Variants in CCDC7 observed in about 807,000 individuals in gnomAD.
The protein encoded by CCDC7 is coiled-coil domain-containing protein 7.
CCDC7 carries 183 observed loss-of-function variants against 196.9 expected under a neutral mutation model. The ratio of observed to expected loss-of-function variants is 0.93; its 90% confidence interval spans 0.82 to 1.05. The LOEUF (loss-of-function observed/expected upper bound fraction) is 1.05. Among genes scored for constraint, CCDC7 ranks in the 50% least tolerant of loss-of-function variants. The probability of loss-of-function intolerance (pLI) is 0.00; values close to 1 mark genes in which losing one functional copy is unlikely to be tolerated. For synonymous variants in CCDC7, 525 were observed against 484.6 expected (o/e 1.08, Z -1.10); for missense variants, 1,540 against 1,482.2 (o/e 1.04, Z -0.64).
chr10:32,593,982 T>C (rs2060044657), intron 18 of CCDC7, among the ~76,000 whole-genome samples: 2 of 152,228 alleles, frequency 1.3e-5, no homozygotes, highest in African/African-American at 4.8e-5. Context: ...TCAGGTAGCA[T>C]GATGCCTCCA....
At chr10:32,565,782 A>T (rs2056688484) in intron 14 of CCDC7, among the ~76,000 whole-genome samples, 162 bp downstream of exon 15, 1 of 152,182 alleles carries the variant, frequency 6.6e-6, no homozygotes, top group Non-Finnish European at 1.5e-5. Context: ...GGGGTATATT[A>T]ATAAAATTTA....
chr10:32,836,471 A>G (rs953065648), intron 33 of CCDC7, among the ~76,000 whole-genome samples: 27 of 152,184 alleles, frequency 1.8e-4, no homozygotes, highest in Non-Finnish European at 3.2e-4. Context: ...GACTTCCACA[A>G]TGGTTGAACT....
At chr10:32,810,309 G>C (rs2086804320) in intron 30 of CCDC7, among the ~76,000 whole-genome samples, 2 of 152,116 alleles carry the variant, frequency 1.3e-5, no homozygotes, top group African/African-American at 2.4e-5. Context: ...TAGACTGGTA[G>C]TGAAGGAATG....
intron 33 of CCDC7, among the ~76,000 whole-genome samples, chr10:32,841,121 T>C (rs1007274942): frequency 1.3e-5 from 2 of 152,000 alleles, no homozygotes; most frequent in Non-Finnish European, 2.9e-5. Context: ...CCACTTCTAT[T>C]CAACATAGTA....
In CCDC7 at chr10:32,583,366, A is replaced by G. The variant is rs192702335; in HGVS notation, c.1728+59A>G. 2.7e-6 allele frequency: 3 copies of G among 1,094,510 alleles called. No individual in the cohort carries two copies. The Admixed American group carries it at 1.3e-4, about 46-fold the overall frequency. 67.8% of individuals were successfully genotyped at this position (1,094,510 alleles called of 1,614,324 possible). ...TTTCATATTGCTCCTTCAATAAATA[A>G]ATGCTAACCCATTTAAATGGGTTAA... On this transcript the variant is annotated intron_variant, in intron 17 of 41. Coordinates refer to ENST00000639629, the Ensembl canonical transcript of CCDC7.
At chr10:32,483,937 C>T (rs2040479177) in intron 8 of CCDC7, among the ~76,000 whole-genome samples, 1 of 152,140 alleles carries the variant, frequency 6.6e-6, no homozygotes, top group Non-Finnish European at 1.5e-5. Context: ...CGTGATGCCT[C>T]CAGCTTTGTT....
At chr10:32,844,763 A>G (rs2093180299) in intron 33 of CCDC7, among the ~76,000 whole-genome samples, 1 of 151,854 alleles carries the variant, frequency 6.6e-6, no homozygotes, top group African/African-American at 2.4e-5. Context: ...GAACTTCAAT[A>G]TAATAGGCTT....
In CCDC7 at chr10:32,849,697, G is replaced by A. The variant is rs577865192; in HGVS notation, c.3895+979G>A. On this transcript the variant is annotated intron_variant, in intron 39 of 41. Transcript: ENST00000639629. ...CAGCATGGCGAAAGAGCAAGACTCC[G>A]TCTCAAAAAAAAAAAAAAAAAAAGA... 6.7e-3 allele frequency among the ~76,000 whole-genome samples: 707 copies of A among 105,794 alleles called. 5 individuals are homozygous for A. The highest frequency in any genetic ancestry group is 0.022 in the African/African-American group (622 of 28,572). The allele number at this position is 105,794 out of a possible 152,430, so 69.4% of individuals were successfully genotyped here.
chr10:32,661,608 G>C (rs2071466213), intron 20 of CCDC7, among the ~76,000 whole-genome samples: 1 of 152,028 alleles, frequency 6.6e-6, no homozygotes, highest in Non-Finnish European at 1.5e-5. Context: ...ATCTTGCCAG[G>C]ACTGAATTCT....
At chr10:32,490,437 C>G (rs767164215) in intron 8 of CCDC7, among the ~76,000 whole-genome samples, 1 of 151,966 alleles carries the variant, frequency 6.6e-6, no homozygotes, top group Non-Finnish European at 1.5e-5. Flanking sequence ...CCTTGTAGTC[C>G]TTTACCATAT....
At chr10:32,828,479 GGAAGAGGAA>G (rs1193149494) in intron 32 of CCDC7, among the ~76,000 whole-genome samples, 803 of 61,270 alleles carry the variant, frequency 0.013, 1 homozygote, top group Middle Eastern at 0.026. Context: ...AAGAGGAAGA[GGAAGAGGAA>G]GAAGAAGAAG....
At chr10:32,615,672 G>A (rs1357642619) in intron 18 of CCDC7, among the ~76,000 whole-genome samples, 3 of 152,000 alleles carry the variant, frequency 2.0e-5, no homozygotes, top group Admixed American at 2.0e-4. Context: ...AAGCTTTTTG[G>A]TTTAATTAAG....
At chr10:32,649,454 T>C (rs1577372) in intron 20 of CCDC7, among the ~76,000 whole-genome samples, 52,392 of 152,124 alleles carry the variant, frequency 0.34, 11,461 homozygotes, top group Non-Finnish European at 0.5. Context: ...TCTAAGGATT[T>C]TTCTTTTGCA....
intron 39 of CCDC7, among the ~76,000 whole-genome samples, chr10:32,850,800 CACACACACACACACACACAG>C (rs2093531732): frequency 1.3e-5 from 2 of 149,444 alleles, no homozygotes; most frequent in African/African-American, 2.4e-5. Flanking sequence ...CACACACACA[CACACACACACACACACACAG>C]AGACATGCAA....
upstream of CCDC7, among the ~76,000 whole-genome samples, chr10:32,447,888 C>T (rs2031817945): frequency 6.6e-6 from 1 of 151,860 alleles, no homozygotes; most frequent in Non-Finnish European, 1.5e-5. Flanking sequence ...GCGACAAGAG[C>T]GAAACTCTGT....
At chr10:32,542,900 A>G (rs1267055518) in intron 11 of CCDC7, among the ~76,000 whole-genome samples, 1 of 152,060 alleles carries the variant, frequency 6.6e-6, no homozygotes, top group East Asian at 1.9e-4. Flanking sequence ...TGTTTTTCTT[A>G]GGTTTTTATT....
chr10:32,612,367 G>C (rs967909950), intron 18 of CCDC7, among the ~76,000 whole-genome samples: 2 of 150,262 alleles, frequency 1.3e-5, no homozygotes, highest in African/African-American at 2.4e-5. Context: ...ATCTGCAACA[G>C]AGAGAATTTG....
intron 8 of CCDC7, among the ~76,000 whole-genome samples, chr10:32,489,134 G>C (rs1225967769): frequency 6.6e-6 from 1 of 152,156 alleles, no homozygotes; most frequent in Non-Finnish European, 1.5e-5. Flanking sequence ...TAGTGACAGT[G>C]GTACTAATGT....
intron 24 of CCDC7, among the ~76,000 whole-genome samples, chr10:32,702,711 G>A (rs1026330672): frequency 3.3e-5 from 5 of 152,078 alleles, no homozygotes; most frequent in African/African-American, 1.2e-4. Flanking sequence ...CTCCTGTATT[G>A]GGTGCATACA....
Sources: gnomAD v4.1 joint callset for allele counts (sites outside exome capture counted in the v4.1 genomes callset) on GRCh38, gnomAD v4.1.1 for gene constraint, MANE v1.5 for transcripts, NCBI Gene and HGNC (gene_info 2026-07-23, HGNC 2026-07-21) for gene names.